The following CIT variants were observed in gnomAD, a reference collection of about 807,000 sequenced individuals.
CIT encodes citron Rho-interacting kinase.
Under a neutral mutation model 272.7 loss-of-function variants are expected in CIT, and 79 were observed. The ratio of observed to expected loss-of-function variants is 0.29; its 90% CI spans 0.24 to 0.35. The LOEUF is 0.35. Among genes scored for constraint, CIT ranks in the 10% least tolerant of loss-of-function variants. The pLI, the probability that CIT is intolerant of heterozygous loss-of-function variation, is 1.00. For synonymous variants in CIT, 948 were observed against 995.6 expected (o/e 0.95, Z 0.90); for missense variants, 1,909 against 2,618.3 (o/e 0.73, Z 5.91).
chr12:119,830,948 C>T (rs1968574116), intron 7 of CIT, among the ~76,000 whole-genome samples: 1 of 152,186 alleles, frequency 6.6e-6, no homozygotes, highest in South Asian at 2.1e-4. Context: ...TCATTGCAGC[C>T]TCAACCTCCT....
chr12:119,718,114 A>T lies in CIT; in HGVS notation c.4168+131T>A. 1 of 1,054,552 alleles carries T rather than the reference A, an allele frequency of 9.5e-7. No individual in the cohort carries two copies. Among genetic ancestry groups the T allele is most frequent in the Non-Finnish European group, 1.3e-6 (1 of 751,366 alleles). The allele number at this position is 1,054,552 out of a possible 1,614,324, so 65.3% of individuals were successfully genotyped here. A position where few individuals can be genotyped will look rare whatever the true frequency, so the allele number is the denominator to read the frequency against. On this transcript the variant is annotated intron_variant, in intron 32 of 47. Coordinates refer to ENST00000392521, the MANE Select transcript of CIT (RefSeq NM_001206999.2). This position sits in a 1 kb window ranked among gnomAD's most constrained non-coding sequence, Gnocchi z 4.8. Reference sequence around the variant, plus strand: ...CTCGGCCTCCCAAAGTGCTGGGGTTACAGGTGTGAGCCACCGTGCCTGGCC... The same window carrying T: ...CTCGGCCTCCCAAAGTGCTGGGGTTTCAGGTGTGAGCCACCGTGCCTGGCC...
intron 3 of CIT, among the ~76,000 whole-genome samples, chr12:119,867,169 C>T (rs1950539552): frequency 6.6e-6 from 1 of 152,034 alleles, no homozygotes; most frequent in Non-Finnish European, 1.5e-5. Flanking sequence ...AATTAACCTA[C>T]ACACACAAGA....
chr12:119,737,865 T>C (rs940359437), intron 24 of CIT, among the ~76,000 whole-genome samples: 1 of 152,208 alleles, frequency 6.6e-6, no homozygotes, highest in Non-Finnish European at 1.5e-5. Flanking sequence ...GCTTGTGACC[T>C]TGTTTCAAGT....
intron 27 of CIT, 137 bp downstream of exon 27, chr12:119,730,357 TG>T: frequency 1.3e-6 from 1 of 786,442 alleles, no homozygotes; most frequent in Non-Finnish European, 1.7e-6. Flanking sequence ...GGCAAAACCA[TG>T]GGACATTTTT....
intron 44 of CIT, among the ~76,000 whole-genome samples, chr12:119,700,296 G>A (rs1030522892): frequency 6.6e-6 from 1 of 152,192 alleles, no homozygotes; most frequent in African/African-American, 2.4e-5. Flanking sequence ...CCGGGTGACT[G>A]TTACACATGG....
chr12:119,730,654 T>C, intron 26 of CIT, 24 bp from the exon 27 acceptor site: 1 of 1,607,670 alleles, frequency 6.2e-7, no homozygotes, highest in Non-Finnish European at 8.5e-7. Flanking sequence ...ACAGGTCAGC[T>C]TTTGGTAGCC....
chr12:119,847,383 C>G (rs1274236841), intron 5 of CIT, among the ~76,000 whole-genome samples: 1 of 152,042 alleles, frequency 6.6e-6, no homozygotes, highest in African/African-American at 2.4e-5. Flanking sequence ...CACCTGAGGT[C>G]AGGAGTTCAA....
At chr12:119,753,093 G>C (rs1960466645) in intron 22 of CIT, among the ~76,000 whole-genome samples, 1 of 152,020 alleles carries the variant, frequency 6.6e-6, no homozygotes, top group African/African-American at 2.4e-5. Flanking sequence ...GGGTGAGGGA[G>C]ACCACGACAC....
intron 10 of CIT, among the ~76,000 whole-genome samples, chr12:119,797,384 G>A (rs1039218084): frequency 1.3e-5 from 2 of 152,208 alleles, no homozygotes. Flanking sequence ...AGGCAAGTAG[G>A]AGAACAAGCT....
At position 119,778,134 on chromosome 12, in the gene CIT, C is replaced by T. The variant is rs988978878; in HGVS notation, c.1666-1292G>A. 4.6e-5 allele frequency among the ~76,000 whole-genome samples: 7 copies of T among 152,302 alleles called. No homozygotes were observed. The East Asian group carries it at 1.4e-3, about 29-fold the overall frequency. ...AAAACACTGGCTTCGGTCAAAATAA[C>T]TTGTGAGAAAAATTCCAAGGAAAGA... On this transcript the variant is annotated intron_variant, in intron 13 of 47. Transcript: ENST00000392521.
At position 119,877,247 on chromosome 12, in the gene CIT, A is replaced by C. The variant is rs1950884043; in HGVS notation, c.-14+2T>G. The C allele has an allele frequency of 6.6e-6, 1 of 152,134 alleles. No individual in the cohort carries two copies. Among genetic ancestry groups the C allele is most frequent in the African/African-American group, 2.4e-5 (1 of 41,398 alleles). The allele number at this position is 152,134 out of a possible 1,614,324, so 9.4% of individuals were successfully genotyped here. Reference sequence around the variant, plus strand: ...GAATTGGGTCTGGGGGATCAGACTCACGCTCTGCGAACCCCCAGGTCTGCG... The same window carrying C: ...GAATTGGGTCTGGGGGATCAGACTCCCGCTCTGCGAACCCCCAGGTCTGCG... On this transcript the variant is annotated splice_donor_variant, in intron 1 of 47. Coordinates refer to ENST00000392521, the MANE Select transcript of CIT (RefSeq NM_001206999.2). LOFTEE classifies it low-confidence loss of function (5UTR_SPLICE).
chr12:119,824,853 C>T (rs890899462), intron 8 of CIT, among the ~76,000 whole-genome samples: 1 of 152,152 alleles, frequency 6.6e-6, no homozygotes, highest in African/African-American at 2.4e-5. Context: ...TGCTGTAGTA[C>T]AGCGGCGCGA....
In CIT at chr12:119,746,329, T is replaced by A. The variant is rs74436390; in HGVS notation, c.2905-3865A>T. ...AAAGCAAAAGCAGCCACAAACGATA[T>A]GTAAACAAACAGACATGTTTGTTTC... On this transcript the variant is annotated intron_variant, in intron 23 of 47. Coordinates refer to ENST00000392521, the MANE Select transcript of CIT (RefSeq NM_001206999.2). Among the ~76,000 whole-genome samples, 215 of 152,338 alleles carry A rather than the reference T, an allele frequency of 1.4e-3. 2 individuals are homozygous for A. The East Asian group carries it at 0.023, about 16-fold the overall frequency.
chr12:119,833,954 G>T, intron 6 of CIT, 132 bp downstream of exon 6: 1 of 913,276 alleles, frequency 1.1e-6, no homozygotes. Context: ...GCCAGTTATT[G>T]GTAGACTGGC....
intron 4 of CIT, among the ~76,000 whole-genome samples, chr12:119,851,775 G>A (rs139946479): frequency 0.013 from 1,959 of 152,340 alleles, 26 homozygotes; most frequent in Non-Finnish European, 0.019. Flanking sequence ...AGTGGCTCAT[G>A]CCTGTAATCC....
chr12:119,751,693 T>G (rs1230655040), intron 23 of CIT, among the ~76,000 whole-genome samples: 1 of 148,674 alleles, frequency 6.7e-6, no homozygotes, highest in Non-Finnish European at 1.5e-5. Context: ...ATTATTATTA[T>G]TATTTTAAAT....
rs369778204 is a variant in CIT, at chr12:119,777,170, G to A, written c.1666-328C>T. ...CTTGGGAGGCTGAGGCAGGAGAATCGCTTGAACCCAGGAGGCAGAGGTTGC... is the reference window on the plus strand; with the variant it reads ...CTTGGGAGGCTGAGGCAGGAGAATCACTTGAACCCAGGAGGCAGAGGTTGC... On this transcript the variant is annotated intron_variant, in intron 13 of 47. Transcript: ENST00000392521. 1.6e-4 allele frequency among the ~76,000 whole-genome samples: 25 copies of A among 151,872 alleles called. 1 individual carries two copies. The South Asian group carries it at 1.7e-3, about 10-fold the overall frequency.
At position 119,770,845 on chromosome 12, in the gene CIT, T is replaced by G. The variant is rs1963053564; in HGVS notation, c.2148A>C (p.Arg716Ser). Residue 716 changes from arginine (R) to serine (S), a missense_variant, in exon 18 of 48, where the codon AGA becomes AGC. Physicochemically the swap from Arg to Ser is moderately radical, Grantham distance 110. This residue lies in a region of CIT where 530 missense variants were observed against 822.4 expected (regional missense o/e 0.64). Coordinates refer to ENST00000392521, the MANE Select transcript of CIT (RefSeq NM_001206999.2). This position sits in a 1 kb window ranked among gnomAD's most constrained non-coding sequence, Gnocchi z 4.4. ...RLETMERREN[R>S]LKDDIQTKSQ... ...ATTTTGTCTGGATGTCATCCTTCAG[T>G]CTGTTTTCTCTACGCTCCATGGTCT... 6.2e-7 allele frequency: 1 copy of G among 1,612,798 alleles called. No homozygotes were observed. Among genetic ancestry groups the G allele is most frequent in the Non-Finnish European group, 8.5e-7 (1 of 1,179,888 alleles).
chr12:119,763,079 G>A (rs2137518418), intron 19 of CIT, among the ~76,000 whole-genome samples: 1 of 152,124 alleles, frequency 6.6e-6, no homozygotes, highest in Admixed American at 6.5e-5. Flanking sequence ...AGAACATACG[G>A]ATCTCTCTTA....
Sources: allele counts gnomAD v4.1 joint callset (sites outside exome capture counted in the v4.1 genomes callset), GRCh38; gene constraint gnomAD v4.1.1; regional missense constraint gnomAD v4.1.1; non-coding constraint Gnocchi (gnomAD v3.1); transcripts MANE v1.5; gene names NCBI Gene and HGNC (gene_info 2026-07-23, HGNC 2026-07-21).